Variants in WNT11 observed in about 807,000 individuals in gnomAD.
WNT11 encodes the protein protein Wnt-11.
Under a neutral mutation model 35.6 loss-of-function variants are expected in WNT11, and 20 were observed. The ratio of observed to expected loss-of-function variants is 0.56; its 90% CI spans 0.40 to 0.82. WNT11 has a LOEUF of 0.82. Among genes scored for constraint, WNT11 ranks in the 40% least tolerant of loss-of-function variants. WNT11 has a pLI of 0.00. For missense variants in WNT11, 459 were observed against 504.4 expected, an observed-to-expected ratio of 0.91 and a Z score of 0.86; for synonymous variants, 200 against 211.9, an observed-to-expected ratio of 0.94 and a Z score of 0.49.
At chr11:76,193,989 G>C (rs1032283816) in intron 3 of WNT11, among the ~76,000 whole-genome samples, 13 of 152,154 alleles carry the variant, frequency 8.5e-5, no homozygotes, top group African/African-American at 2.9e-4. Context: ...ACTCACCCCA[G>C]TCTTTTGGGC....
At position 76,191,620 on chromosome 11, in the gene WNT11, G is replaced by T. The variant is rs757621734; in HGVS notation, c.834C>A (p.Ser278Arg). The T allele has an allele frequency of 1.9e-6, 3 of 1,613,816 alleles. No individual in the cohort carries two copies. Among genetic ancestry groups the T allele is most frequent in the South Asian group, 2.2e-5 (2 of 91,094 alleles). Residue 278 changes from serine to arginine, a missense_variant, in exon 4 of 5, where the codon AGC becomes AGA. Physicochemically the swap from Ser to Arg is moderately radical, Grantham distance 110. Coordinates refer to ENST00000322563, the MANE Select transcript of WNT11 (RefSeq NM_004626.3). The part of the protein sequence containing the change: ...VKDSELVYLQ[S>R]SPDFCMKNEK... ...CATTCTTCATGCAGAAGTCAGGTGA[G>T]CTCTGCAGATAGACGAGTTCCGAGT...
chr11:76,192,795 T>C (rs953271031), intron 3 of WNT11, among the ~76,000 whole-genome samples: 7 of 152,202 alleles, frequency 4.6e-5, no homozygotes, highest in African/African-American at 1.7e-4. Context: ...CTACGGGCCT[T>C]CCAGTTCTGC....
At chr11:76,193,841 C>T (rs895524737) in intron 3 of WNT11, among the ~76,000 whole-genome samples, 3 of 152,190 alleles carry the variant, frequency 2.0e-5, no homozygotes, top group African/African-American at 4.8e-5. Flanking sequence ...CTGCCATTCA[C>T]GGTCCTTTCC....
chr11:76,191,852 A>G lies in WNT11; in HGVS notation c.602T>C (p.Leu201Pro). 1 of 1,597,810 alleles carries G rather than the reference A, an allele frequency of 6.3e-7. No individual in the cohort carries two copies. Among genetic ancestry groups the G allele is most frequent in the South Asian group, 1.1e-5 (1 of 90,992 alleles). ...ACACTTCATTTCCAGAGAGGCGCGC[A>G]GAGCCTGCGGACAGGGGAAGGCGTC... is the stretch of plus-strand genomic sequence containing the variant. The part of the protein sequence containing the change: ...LHNSEVGRQA[L>P]RASLEMKCKC... The change falls in exon 4 of 5, where the codon CTG (leucine) becomes CCG (proline). Residue 201 changes from leucine to proline, a missense_variant. Leu to Pro is a moderately conservative substitution (Grantham distance 98). Transcript: ENST00000322563.
intron 1 of WNT11, among the ~76,000 whole-genome samples, chr11:76,202,646 C>G (rs902542303): frequency 2.0e-5 from 3 of 152,142 alleles, no homozygotes; most frequent in Non-Finnish European, 4.4e-5. Context: ...GTCTAGGAAC[C>G]GGGGAGAGGT....
At position 76,194,596 on chromosome 11, in the gene WNT11, G is replaced by T; in HGVS notation, c.568C>A (p.Arg190Ser). ...KTGSQANKLM[R>S]LHNSEVGRQA... is the part of the protein sequence containing the mutation. Reference sequence around the variant, plus strand: ...CTCCCCACTTCACTGTTGTGTAGACGCATCAGTTTATTGGCTTGGGATCCT... The same window carrying T: ...CTCCCCACTTCACTGTTGTGTAGACTCATCAGTTTATTGGCTTGGGATCCT... Residue 190 changes from arginine to serine, a missense_variant, in exon 3 of 5, where the codon CGT becomes AGT. Physicochemically the swap from Arg to Ser is moderately radical, Grantham distance 110 (BLOSUM62 -1). Transcript: ENST00000322563. This position sits in a 1 kb window ranked among gnomAD's most constrained non-coding sequence, Gnocchi z 5.4. 2 of 1,550,190 alleles carry T rather than the reference G, an allele frequency of 1.3e-6. No individual in the cohort carries two copies. Among genetic ancestry groups the T allele is most frequent in the Non-Finnish European group, 1.7e-6 (2 of 1,146,916 alleles).
chr11:76,209,485 C>G (rs1373043377), upstream of WNT11, among the ~76,000 whole-genome samples: 1 of 152,134 alleles, frequency 6.6e-6, no homozygotes, highest in Non-Finnish European at 1.5e-5. Flanking sequence ...CGCGCAAGGT[C>G]GGCACGGGCG....
intron 4 of WNT11, among the ~76,000 whole-genome samples, chr11:76,189,856 G>T (rs561712820): frequency 2.0e-5 from 3 of 152,210 alleles, no homozygotes; most frequent in East Asian, 3.9e-4. Context: ...GAAATTGGGG[G>T]TGTTTGTTAC....
At chr11:76,202,886 C>T (rs1953404952) in intron 1 of WNT11, among the ~76,000 whole-genome samples, 1 of 152,222 alleles carries the variant, frequency 6.6e-6, no homozygotes, top group Admixed American at 6.5e-5. Context: ...CCTGCAGATC[C>T]AGTCCTGCCT....
At chr11:76,190,614 C>T (rs1370941095) in intron 4 of WNT11, 1 of 152,180 alleles carries the variant, frequency 6.6e-6, no homozygotes, top group Non-Finnish European at 1.5e-5. Flanking sequence ...CTCTCTGGTG[C>T]AATATTCTTT....
At chr11:76,193,393 G>A (rs1367034707) in intron 3 of WNT11, among the ~76,000 whole-genome samples, 7 of 152,178 alleles carry the variant, frequency 4.6e-5, no homozygotes, top group Non-Finnish European at 8.8e-5. Flanking sequence ...CAGCTGGCCT[G>A]GCCATGATGG....
Position 76,191,592 on chromosome 11 carries a change from T to C in WNT11, c.862A>G (p.Lys288Glu). ...SSPDFCMKNE[K>E]VGSHGTQDRQ... ...TCTTGTGTCCCGTGGGAGCCCACCT[T>C]CTCATTCTTCATGCAGAAGTCAGGT... The change falls in exon 4 of 5, where the codon AAG becomes GAG. Residue 288 changes from lysine to glutamate, a missense_variant. Transcript: ENST00000322563. 6.2e-7 allele frequency: 1 copy of C among 1,612,138 alleles called. No homozygotes were observed. Among genetic ancestry groups the C allele is most frequent in the Non-Finnish European group, 8.5e-7 (1 of 1,178,530 alleles).
In WNT11 at chr11:76,196,608, A is replaced by T. The variant is rs972679057; in HGVS notation, c.194T>A (p.Leu65His). The T allele has an allele frequency of 1.2e-6, 2 of 1,613,552 alleles. No individual in the cohort carries two copies. Among genetic ancestry groups the T allele is most frequent in the Non-Finnish European group, 1.7e-6 (2 of 1,180,052 alleles). The change falls in exon 2 of 5, where the codon CTC becomes CAC. Residue 65 changes from leucine (L) to histidine (H), a missense_variant. Physicochemically the swap from Leu to His is moderately conservative, Grantham distance 99 (BLOSUM62 -3). Transcript: ENST00000322563. ...QVQLCRSNLE[L>H]MHTVVHAARE... ...GGCGGCGTGCACCACCGTGTGCATGAGCTCCAGGTTGCTGCGGCACAGCTG... is the reference window on the plus strand; with the variant it reads ...GGCGGCGTGCACCACCGTGTGCATGTGCTCCAGGTTGCTGCGGCACAGCTG...
At chr11:76,210,497 C>A (rs898056216), upstream of WNT11, 2 of 985,128 alleles carry the variant, frequency 2.0e-6, no homozygotes, top group African/African-American at 3.5e-5. Flanking sequence ...CCAGGCGCGC[C>A]CTGCGTGCCC....
chr11:76,190,973 G>T (rs1250488313), intron 4 of WNT11: 1 of 152,968 alleles, frequency 6.5e-6, no homozygotes, highest in Non-Finnish European at 1.5e-5. Flanking sequence ...AGCTGTGACT[G>T]GGGCTGTGGT....
In WNT11 at chr11:76,204,609, T is replaced by G. The variant is rs1953441281; in HGVS notation, c.83+1716A>C. Among the ~76,000 whole-genome samples, 2 of 152,200 alleles carry G rather than the reference T, an allele frequency of 1.3e-5. 1 individual carries two copies. Among genetic ancestry groups the G allele is most frequent in the South Asian group, 4.1e-4 (2 of 4,828 alleles). On this transcript the variant is annotated intron_variant, in intron 1 of 4. Transcript: ENST00000322563. Reference sequence around the variant, plus strand: ...ACACAGACCATAGTCCACTTTGTATTTCTATATGTCCATCTCCCCCAAGAG... The same window carrying G: ...ACACAGACCATAGTCCACTTTGTATGTCTATATGTCCATCTCCCCCAAGAG...
intron 1 of WNT11, among the ~76,000 whole-genome samples, chr11:76,199,573 G>C (rs1226605847): frequency 1.3e-5 from 2 of 152,130 alleles, no homozygotes; most frequent in Non-Finnish European, 2.9e-5. Flanking sequence ...GGGAGGCTGA[G>C]GCGGGCAAAT....
chr11:76,188,026 C>T lies in WNT11; in HGVS notation c.891-787G>A, dbSNP rs1953124594. 4.6e-5 allele frequency among the ~76,000 whole-genome samples: 7 copies of T among 152,356 alleles called. 1 individual carries two copies. The South Asian group carries it at 1.2e-3, about 27-fold the overall frequency. ...GGGATTACAGGCGTGTGCCACCACA[C>T]ACAGCCATATTTAATCTTTAATTAA... is the stretch of plus-strand genomic sequence containing the variant. On this transcript the variant is annotated intron_variant, in intron 4 of 4. Coordinates refer to ENST00000322563, the MANE Select transcript of WNT11 (RefSeq NM_004626.3).
chr11:76,196,344 C>G (rs1953285339), intron 2 of WNT11, 139 bp downstream of exon 2: 1 of 981,656 alleles, frequency 1.0e-6, no homozygotes, highest in Non-Finnish European at 1.6e-6. Flanking sequence ...CCATCCATGC[C>G]TGTATCCACC....
Sources: gnomAD v4.1 joint callset for allele counts (sites outside exome capture counted in the v4.1 genomes callset) on GRCh38, gnomAD v4.1.1 for gene constraint, Gnocchi (gnomAD v3.1) non-coding constraint, MANE v1.5 for transcripts, NCBI Gene and HGNC (gene_info 2026-07-23, HGNC 2026-07-21) for gene names.